SLC4A5: variants seen among roughly 807,000 people sequenced by gnomAD.
SLC4A5 encodes electrogenic sodium bicarbonate cotransporter 4.
A neutral mutation model predicts 120.4 loss-of-function variants in SLC4A5; 96 were observed. That is an observed-to-expected ratio of 0.80 (90% CI 0.68 to 0.94). SLC4A5 has a LOEUF of 0.94. Ranked by LOEUF, SLC4A5 falls within the 40% of genes least tolerant of loss-of-function variation. SLC4A5 has a pLI of 0.00. For missense variants in SLC4A5, 1,259 were observed against 1,459.5 expected (o/e 0.86, Z 2.24); for synonymous variants, 550 against 571.1 (o/e 0.96, Z 0.53).
At chr2:74,332,505 ACAT>A (rs1400201697) in intron 4 of SLC4A5, among the ~76,000 whole-genome samples, 4 of 152,080 alleles carry the variant, frequency 2.6e-5, no homozygotes, top group Non-Finnish European at 5.9e-5. Context: ...TCTGGTCTGG[ACAT>A]CATAATGAAT....
At chr2:74,249,867 A>G (rs1398040108) in intron 17 of SLC4A5, among the ~76,000 whole-genome samples, 1 of 152,186 alleles carries the variant, frequency 6.6e-6, no homozygotes. Context: ...ACCCTTGCCT[A>G]GGAGATTGGC....
At chr2:74,336,813 C>T (rs953902421) in intron 3 of SLC4A5, among the ~76,000 whole-genome samples, 1 of 152,166 alleles carries the variant, frequency 6.6e-6, no homozygotes, top group East Asian at 1.9e-4. Flanking sequence ...GAAATATTAG[C>T]CAATGCCTTC....
At chr2:74,244,370 G>A (rs1338126438) in intron 19 of SLC4A5, among the ~76,000 whole-genome samples, 2 of 151,906 alleles carry the variant, frequency 1.3e-5, no homozygotes, top group East Asian at 3.9e-4. Flanking sequence ...TCGCTTGTTT[G>A]TTCGTTCCTT....
exon 19 of SLC4A5, chr2:74,247,193 G>C (rs368736889): frequency 1.9e-6 from 3 of 1,614,218 alleles, no homozygotes; most frequent in Non-Finnish European, 2.5e-6. Flanking sequence ...CCTCGGTGAA[G>C]CGGGTGATAT....
chr2:74,268,521 A>G (rs1159853627), intron 8 of SLC4A5, among the ~76,000 whole-genome samples: 1 of 152,278 alleles, frequency 6.6e-6, no homozygotes, highest in African/African-American at 2.4e-5. Flanking sequence ...CTCAACTGGT[A>G]GACATTCAGA....
At chr2:74,246,651 G>C (rs962818462) in intron 19 of SLC4A5, among the ~76,000 whole-genome samples, 1 of 152,214 alleles carries the variant, frequency 6.6e-6, no homozygotes, top group African/African-American at 2.4e-5. Context: ...GTCTTGGGGA[G>C]AGCTCATCGT....
At chr2:74,295,039 TTA>T (rs1385973355) in intron 7 of SLC4A5, among the ~76,000 whole-genome samples, 3 of 152,068 alleles carry the variant, frequency 2.0e-5, no homozygotes, top group Admixed American at 6.6e-5. Context: ...GTTCAACACA[TTA>T]TGAGTCCAGT....
At chr2:74,316,981 A>G (rs928850127) in intron 5 of SLC4A5, among the ~76,000 whole-genome samples, 3 of 152,240 alleles carry the variant, frequency 2.0e-5, no homozygotes, top group Non-Finnish European at 4.4e-5. Flanking sequence ...CTCCATCCCA[A>G]GGTGAACATG....
intron 3 of SLC4A5, among the ~76,000 whole-genome samples, chr2:74,337,136 C>T (rs557304125): frequency 2.6e-5 from 4 of 152,238 alleles, no homozygotes; most frequent in Admixed American, 6.5e-5. Flanking sequence ...TCCCAATCCC[C>T]GCTCCCTGGA....
intron 4 of SLC4A5, 24 bp downstream of exon 4, chr2:74,334,003 C>T (rs1253128159): frequency 2.6e-5 from 4 of 152,200 alleles, no homozygotes; most frequent in African/African-American, 9.7e-5. Flanking sequence ...ACAAGAAGTT[C>T]CCCACAGGCT....
intron 19 of SLC4A5, among the ~76,000 whole-genome samples, chr2:74,244,777 G>T (rs1424613924): frequency 2.0e-5 from 3 of 152,154 alleles, no homozygotes; most frequent in African/African-American, 7.2e-5. Context: ...TCTGGGGTAG[G>T]AGGCTACGAA....
At chr2:74,254,027 G>A (rs1331916911) in intron 14 of SLC4A5, among the ~76,000 whole-genome samples, 2 of 152,162 alleles carry the variant, frequency 1.3e-5, no homozygotes, top group African/African-American at 2.4e-5. Flanking sequence ...GAGACATTTC[G>A]TGGGGAAAAG....
chr2:74,274,130 G>A (rs1272962165), intron 8 of SLC4A5, among the ~76,000 whole-genome samples: 1 of 152,198 alleles, frequency 6.6e-6, no homozygotes, highest in Non-Finnish European at 1.5e-5. Flanking sequence ...CACGAGGTAG[G>A]TCTGTGACTA....
At chr2:74,260,640 G>C (rs958524232) in intron 11 of SLC4A5, among the ~76,000 whole-genome samples, 35 of 152,120 alleles carry the variant, frequency 2.3e-4, no homozygotes, top group African/African-American at 8.0e-4. Context: ...GAGCAGCCTT[G>C]GGCCCTCCCT....
At chr2:74,308,227 A>C (rs1672707107) in intron 6 of SLC4A5, among the ~76,000 whole-genome samples, 1 of 152,236 alleles carries the variant, frequency 6.6e-6, no homozygotes, top group South Asian at 2.1e-4. Context: ...TTTTCAACTC[A>C]GTTGGGTACA....
intron 20 of SLC4A5, among the ~76,000 whole-genome samples, chr2:74,241,741 CAAA>C (rs367922236): frequency 5.1e-5 from 5 of 97,420 alleles, no homozygotes; most frequent in African/African-American, 1.7e-4. Context: ...GACCCTGTCT[CAAA>C]AAAAAAAAAA....
Position 74,221,406 on chromosome 2 carries a change from C to T in SLC4A5, c.*33+28G>A, listed in dbSNP as rs368725815. Reference sequence around the variant, plus strand: ...CCATTTCCTAGTCTCTTACCTAATACGCAAGGAGTCTACCTAACAGTGTTT... The same window carrying T: ...CCATTTCCTAGTCTCTTACCTAATATGCAAGGAGTCTACCTAACAGTGTTT... On this transcript the variant is annotated intron_variant, in intron 30 of 30. Coordinates refer to ENST00000394019, the Ensembl canonical transcript of SLC4A5. 6.1e-5 allele frequency: 93 copies of T among 1,536,076 alleles called. 1 individual carries two copies. The highest frequency in any genetic ancestry group is 6.0e-4 in the South Asian group (54 of 89,346).
At chr2:74,292,545 A>C (rs1672205810) in intron 7 of SLC4A5, among the ~76,000 whole-genome samples, 3 of 152,220 alleles carry the variant, frequency 2.0e-5, no homozygotes, top group Admixed American at 2.0e-4. Context: ...AGCTAACAGC[A>C]AGAGTCACAA....
chr2:74,262,671 C>T (rs1390171836), intron 10 of SLC4A5, among the ~76,000 whole-genome samples: 1 of 151,464 alleles, frequency 6.6e-6, no homozygotes, highest in Non-Finnish European at 1.5e-5. Context: ...TGCACTCCAG[C>T]CTGGGTGACA....
Sources: gnomAD v4.1 joint callset for allele counts (sites outside exome capture counted in the v4.1 genomes callset) on GRCh38, gnomAD v4.1.1 for gene constraint, MANE v1.5 for transcripts, NCBI Gene and HGNC (gene_info 2026-07-23, HGNC 2026-07-21) for gene names.